KCNIP4: variants seen among roughly 807,000 people sequenced by gnomAD.
KCNIP4 encodes the protein Kv channel-interacting protein 4.
KCNIP4 carries 12 observed loss-of-function variants against 34.0 expected under a neutral mutation model. The ratio of observed to expected loss-of-function variants is 0.35; its 90% CI spans 0.23 to 0.57. The LOEUF is 0.57. Ranked by LOEUF, KCNIP4 falls within the 20% of genes least tolerant of loss-of-function variation. The pLI is 0.83. For synonymous variants in KCNIP4, 124 were observed against 102.2 expected, an observed-to-expected ratio of 1.21 and a Z score of -1.29; for missense variants, 238 against 311.7, an observed-to-expected ratio of 0.76 and a Z score of 1.78.
chr4:21,243,775 T>G (rs1345146917), intron 1 of KCNIP4, among the ~76,000 whole-genome samples: 1 of 152,180 alleles, frequency 6.6e-6, no homozygotes. Context: ...CTGAGCATAA[T>G]ATTACTGATG....
At chr4:21,681,873 C>CTTTTT (rs35681482) in intron 1 of KCNIP4, among the ~76,000 whole-genome samples, 9 of 147,600 alleles carry the variant, frequency 6.1e-5, no homozygotes, top group African/African-American at 1.5e-4. Context: ...GAATGCCACA[C>CTTTTT]TTTTTTTTTT....
intron 1 of KCNIP4, among the ~76,000 whole-genome samples, chr4:21,528,854 A>G (rs1363462495): frequency 6.7e-6 from 1 of 149,138 alleles, no homozygotes; most frequent in African/African-American, 2.5e-5. Flanking sequence ...GAAGGAAGGA[A>G]GGAAGGAAGG....
At chr4:20,983,508 C>T (rs762431980) in intron 1 of KCNIP4, among the ~76,000 whole-genome samples, 1 of 152,110 alleles carries the variant, frequency 6.6e-6, no homozygotes, top group Non-Finnish European at 1.5e-5. Flanking sequence ...CAACCAAATA[C>T]CAACCCATAT....
intron 1 of KCNIP4, among the ~76,000 whole-genome samples, chr4:21,373,771 T>G (rs1466498324): frequency 6.8e-6 from 1 of 147,166 alleles, no homozygotes; most frequent in Non-Finnish European, 1.5e-5. Context: ...AATGGCATGA[T>G]TTCTGTTCAC....
At chr4:21,361,918 T>G (rs1247764750) in intron 1 of KCNIP4, among the ~76,000 whole-genome samples, 1 of 152,094 alleles carries the variant, frequency 6.6e-6, no homozygotes, top group Admixed American at 6.6e-5. Flanking sequence ...GAGCTCCAAA[T>G]TCTTCCTTCT....
At chr4:21,333,875 G>C (rs893678860) in intron 1 of KCNIP4, among the ~76,000 whole-genome samples, 5 of 152,160 alleles carry the variant, frequency 3.3e-5, no homozygotes, top group African/African-American at 7.2e-5. Flanking sequence ...ATCTTCTGCT[G>C]TTCTTTAATA....
At chr4:20,988,691 GATT>G (rs1189549087) in intron 1 of KCNIP4, among the ~76,000 whole-genome samples, 3 of 152,154 alleles carry the variant, frequency 2.0e-5, no homozygotes, top group African/African-American at 7.2e-5. Flanking sequence ...TTAAATGTAA[GATT>G]ATTAGCCTAT....
At chr4:21,775,849 G>A (rs1299069251) in intron 1 of KCNIP4, among the ~76,000 whole-genome samples, 1 of 152,186 alleles carries the variant, frequency 6.6e-6, no homozygotes, top group Non-Finnish European at 1.5e-5. Flanking sequence ...AATGGGTGCC[G>A]CCCTTCCCCT....
At chr4:21,356,836 C>A (rs1199757521) in intron 1 of KCNIP4, among the ~76,000 whole-genome samples, 1 of 151,884 alleles carries the variant, frequency 6.6e-6, no homozygotes, top group African/African-American at 2.4e-5. Context: ...CACAGGGAAC[C>A]AAAAAAGAGC....
At chr4:21,040,134 C>A (rs541421815) in intron 1 of KCNIP4, among the ~76,000 whole-genome samples, 1 of 152,188 alleles carries the variant, frequency 6.6e-6, no homozygotes, top group African/African-American at 2.4e-5. Context: ...CCAATCACCT[C>A]CTACCAGGTC....
intron 1 of KCNIP4, among the ~76,000 whole-genome samples, chr4:21,709,561 A>G (rs1713553543): frequency 6.6e-6 from 1 of 152,190 alleles, no homozygotes; most frequent in Non-Finnish European, 1.5e-5. Context: ...TTTCTTTATC[A>G]TAAACAGATA....
intron 1 of KCNIP4, among the ~76,000 whole-genome samples, chr4:21,559,083 T>C (rs1739304303): frequency 6.6e-6 from 1 of 152,048 alleles, no homozygotes; most frequent in Non-Finnish European, 1.5e-5. Flanking sequence ...AAAAAGACAA[T>C]CAAGTTTTCT....
intron 1 of KCNIP4, among the ~76,000 whole-genome samples, chr4:21,096,425 C>A (rs973919868): frequency 1.3e-5 from 2 of 152,132 alleles, no homozygotes; most frequent in Non-Finnish European, 2.9e-5. Flanking sequence ...CTAAACATAA[C>A]CTAATTTTTG....
At chr4:21,276,361 CT>C (rs3080866) in intron 1 of KCNIP4, among the ~76,000 whole-genome samples, 3,919 of 129,116 alleles carry the variant, frequency 0.03, 52 homozygotes, top group South Asian at 0.036. Context: ...GAGATTTTCT[CT>C]TTTTTTTTTT....
intron 1 of KCNIP4, among the ~76,000 whole-genome samples, chr4:21,109,477 T>A (rs189082854): frequency 6.6e-6 from 1 of 152,236 alleles, no homozygotes; most frequent in African/African-American, 2.4e-5. Flanking sequence ...AGGGTGGGAG[T>A]GACCCGATTT....
At chr4:21,312,874 A>C (rs1420729334) in intron 1 of KCNIP4, among the ~76,000 whole-genome samples, 1 of 152,186 alleles carries the variant, frequency 6.6e-6, no homozygotes, top group Non-Finnish European at 1.5e-5. Context: ...CTCCAAATGT[A>C]ATCACTTAAG....
intron 1 of KCNIP4, among the ~76,000 whole-genome samples, chr4:21,119,333 G>A (rs1016762222): frequency 4.0e-5 from 6 of 151,646 alleles, no homozygotes; most frequent in Non-Finnish European, 7.4e-5. Context: ...ACAGAAGTCA[G>A]TGCAGTGGCT....
chr4:21,827,922 C>T (rs766532678), intron 1 of KCNIP4, among the ~76,000 whole-genome samples: 2 of 150,884 alleles, frequency 1.3e-5, no homozygotes, highest in Non-Finnish European at 3.0e-5. Flanking sequence ...TGATTTCAAC[C>T]CAGGGCTGAA....
chr4:21,741,018 G>A (rs1716364281), intron 1 of KCNIP4, among the ~76,000 whole-genome samples: 1 of 152,016 alleles, frequency 6.6e-6, no homozygotes, highest in Non-Finnish European at 1.5e-5. Flanking sequence ...AATGACACAG[G>A]GACTTGGAGA....
Sources: allele counts gnomAD v4.1 joint callset (sites outside exome capture counted in the v4.1 genomes callset), GRCh38; gene constraint gnomAD v4.1.1; transcripts MANE v1.5; gene names NCBI Gene and HGNC (gene_info 2026-07-23, HGNC 2026-07-21).